The following PIP4K2A variants were observed in gnomAD, a reference collection of about 807,000 sequenced individuals.
PIP4K2A encodes phosphatidylinositol-5-phosphate 4-kinase type 2 alpha.
Under a neutral mutation model 42.9 loss-of-function variants are expected in PIP4K2A, and 14 were observed. That is an observed-to-expected ratio of 0.33 (90% CI 0.22 to 0.51). The LOEUF (loss-of-function observed/expected upper bound fraction) is 0.51. Ranked by LOEUF, PIP4K2A falls within the 20% of genes least tolerant of loss-of-function variation. The pLI, the probability that PIP4K2A is intolerant of heterozygous loss-of-function variation, is 0.97. For synonymous variants in PIP4K2A, 192 were observed against 192.2 expected, an observed-to-expected ratio of 1.00 and a Z score of 0.01; for missense variants, 434 against 519.8, an observed-to-expected ratio of 0.83 and a Z score of 1.61.
intron 1 of PIP4K2A, chr10:22,661,798 A>G (rs1443823627): frequency 6.6e-6 from 1 of 152,208 alleles, no homozygotes; most frequent in Non-Finnish European, 1.5e-5. Flanking sequence ...GTAAATGAAT[A>G]TATTATTTTC....
In PIP4K2A at chr10:22,561,663, C is replaced by G. The variant is rs139870314; in HGVS notation, c.678+6188G>C. 1.5e-3 allele frequency among the ~76,000 whole-genome samples: 205 copies of G among 140,850 alleles called. 2 individuals carry two copies. In the East Asian group the frequency reaches 0.035, roughly 24 times the overall value. 92.4% of individuals were successfully genotyped at this position (140,850 alleles called of 152,430 possible). A position where few individuals can be genotyped will look rare whatever the true frequency, so the allele number is the denominator to read the frequency against. On this transcript the variant is annotated intron_variant, in intron 6 of 9. Transcript: ENST00000376573. ...TGATCACGGCTCACTGCAGCATCGA[C>G]ATCCTGAGTTCAAGCAATCCTCCCA... is the stretch of plus-strand genomic sequence containing the variant.
Position 22,623,828 on chromosome 10 carries a change from G to T in PIP4K2A, c.145-14111C>A, listed in dbSNP as rs555348560. Among the ~76,000 whole-genome samples, 5 of 152,334 alleles carry T rather than the reference G, an allele frequency of 3.3e-5. No homozygotes were observed. In the South Asian group the frequency reaches 1.0e-3, roughly 32 times the overall value. On this transcript the variant is annotated intron_variant, in intron 1 of 9. Transcript: ENST00000376573. ...ACAGGACCAATCAACAAGAAGCCACGTGGCAGGCCTAAGACTGAGCCCTGA... is the reference window on the plus strand; with the variant it reads ...ACAGGACCAATCAACAAGAAGCCACTTGGCAGGCCTAAGACTGAGCCCTGA...
intron 9 of PIP4K2A, among the ~76,000 whole-genome samples, chr10:22,538,509 G>C (rs1835998191): frequency 6.6e-6 from 1 of 152,176 alleles, no homozygotes; most frequent in African/African-American, 2.4e-5. Flanking sequence ...TCTGTATGAG[G>C]TGAAAAAACA....
chr10:22,714,431 C>T lies in PIP4K2A; in HGVS notation c.-105G>A, dbSNP rs1833972393. The T allele has an allele frequency of 4.2e-6, 3 of 714,092 alleles. No individual in the cohort carries two copies. The Admixed American group carries it at 1.8e-4, about 43-fold the overall frequency. The allele number at this position is 714,092 out of a possible 1,614,324, so 44.2% of individuals were successfully genotyped here. On this transcript the variant is annotated 5_prime_UTR_variant, in exon 1 of 10. Transcript: ENST00000376573. Reference sequence around the variant, plus strand: ...AGCCGCATCCCCCCGGCGGCGGCCCCGGCGCGCCGCGCTCCGCTCCGCCCG... The same window carrying T: ...AGCCGCATCCCCCCGGCGGCGGCCCTGGCGCGCCGCGCTCCGCTCCGCCCG...
At chr10:22,678,342 AG>A (rs1179823448) in intron 1 of PIP4K2A, among the ~76,000 whole-genome samples, 1 of 152,050 alleles carries the variant, frequency 6.6e-6, no homozygotes, top group Non-Finnish European at 1.5e-5. Context: ...AATTCTTTTT[AG>A]CAGTGCATGA....
chr10:22,579,094 C>T (rs1239426819), intron 4 of PIP4K2A, among the ~76,000 whole-genome samples: 3 of 151,816 alleles, frequency 2.0e-5, no homozygotes, highest in East Asian at 1.9e-4. Flanking sequence ...ATATGTCGGG[C>T]ATGAAAGGAG....
intron 1 of PIP4K2A, among the ~76,000 whole-genome samples, chr10:22,633,203 G>T (rs1206864066): frequency 6.6e-6 from 1 of 152,148 alleles, no homozygotes; most frequent in Non-Finnish European, 1.5e-5. Context: ...TCCAGAACCT[G>T]GGCTCTTGGC....
rs1836441219 is a variant in PIP4K2A at position 22,552,629 on chromosome 10, C to CA, written c.679-1858dup. Reference sequence around the variant, plus strand: ...CAAGGTTCTGAAGTTTAACAAAACTCAGAGGGCAGTGAGAACATAAGCACT... The same window carrying CA: ...CAAGGTTCTGAAGTTTAACAAAACTCAAGAGGGCAGTGAGAACATAAGCACT... On this transcript the variant is annotated intron_variant, in intron 6 of 9. Coordinates refer to ENST00000376573, the MANE Select transcript of PIP4K2A (RefSeq NM_005028.5). Among the ~76,000 whole-genome samples the CA allele has an allele frequency of 1.7e-4, 26 of 152,128 alleles. No homozygotes were observed. In the South Asian group the frequency reaches 5.4e-3, roughly 32 times the overall value.
intron 6 of PIP4K2A, among the ~76,000 whole-genome samples, chr10:22,559,623 T>C (rs548057694): frequency 1.6e-4 from 25 of 152,140 alleles, no homozygotes; most frequent in African/African-American, 6.0e-4. Flanking sequence ...GTTTATGGGG[T>C]TCTTATCTAT....
intron 6 of PIP4K2A, among the ~76,000 whole-genome samples, chr10:22,553,813 TA>T (rs1217230643): frequency 6.4e-5 from 7 of 108,630 alleles, no homozygotes; most frequent in African/African-American, 2.5e-4. Flanking sequence ...TTTTTTTTTT[TA>T]CAAAAACTTA....
intron 9 of PIP4K2A, among the ~76,000 whole-genome samples, chr10:22,537,822 C>T (rs1564409927): frequency 6.6e-6 from 1 of 152,192 alleles, no homozygotes; most frequent in Non-Finnish European, 1.5e-5. Flanking sequence ...TCTGGGACAG[C>T]TGCCCCCAGC....
chr10:22,539,943 G>C, intron 9 of PIP4K2A, 28 bp downstream of exon 9: 1 of 1,224,284 alleles, frequency 8.2e-7, no homozygotes, highest in Non-Finnish European at 1.2e-6. Context: ...GAGAGAAAGA[G>C]AGAAGGAAAC....
intron 3 of PIP4K2A, among the ~76,000 whole-genome samples, chr10:22,604,874 C>T (rs1837872832): frequency 6.6e-6 from 1 of 152,216 alleles, no homozygotes; most frequent in African/African-American, 2.4e-5. Context: ...TGGGCAGTAA[C>T]AATGTGCCAG....
intron 1 of PIP4K2A, among the ~76,000 whole-genome samples, chr10:22,685,082 G>C (rs1220052871): frequency 6.6e-6 from 1 of 152,050 alleles, no homozygotes; most frequent in Non-Finnish European, 1.5e-5. Flanking sequence ...TTTTCAAGAA[G>C]TCTAATGTTT....
intron 3 of PIP4K2A, among the ~76,000 whole-genome samples, chr10:22,601,791 T>C (rs1242786465): frequency 2.6e-5 from 4 of 152,078 alleles, no homozygotes. Context: ...ATCCTACCAC[T>C]ACGGTAAGTC....
chr10:22,568,982 C>T (rs1836915024), intron 5 of PIP4K2A: 1 of 1,511,848 alleles, frequency 6.6e-7, no homozygotes, highest in Non-Finnish European at 8.9e-7. Flanking sequence ...CCCTGGGTTA[C>T]TTGAGTTAGC....
intron 1 of PIP4K2A, among the ~76,000 whole-genome samples, chr10:22,688,021 A>C (rs1839796013): frequency 6.6e-6 from 1 of 152,196 alleles, no homozygotes; most frequent in Non-Finnish European, 1.5e-5. Flanking sequence ...AATTTTAGAA[A>C]AAGAAATAGG....
At chr10:22,565,644 G>T (rs1836828546) in intron 6 of PIP4K2A, among the ~76,000 whole-genome samples, 1 of 152,164 alleles carries the variant, frequency 6.6e-6, no homozygotes, top group Non-Finnish European at 1.5e-5. Context: ...CCTGAAAAAA[G>T]AACAGGATAA....
intron 7 of PIP4K2A, among the ~76,000 whole-genome samples, chr10:22,550,347 G>A (rs909307722): frequency 6.6e-5 from 10 of 152,222 alleles, no homozygotes; most frequent in African/African-American, 2.4e-4. Context: ...CAAACTGGCT[G>A]GTGTGGGCAG....
Sources: gnomAD v4.1 joint callset for allele counts (sites outside exome capture counted in the v4.1 genomes callset) on GRCh38, gnomAD v4.1.1 for gene constraint, MANE v1.5 for transcripts, NCBI Gene and HGNC (gene_info 2026-07-23, HGNC 2026-07-21) for gene names.